Variants in DENND1A observed in about 807,000 individuals in gnomAD.
DENND1A encodes DENN domain-containing protein 1A.
DENND1A carries 51 observed loss-of-function variants against 113.7 expected under a neutral mutation model. The ratio of observed to expected loss-of-function variants is 0.45; its 90% CI spans 0.36 to 0.57. The LOEUF (loss-of-function observed/expected upper bound fraction) is 0.57, where lower values mean the gene tolerates loss of function less well. DENND1A is among the 20% of genes least tolerant of loss of function. The pLI, the probability that DENND1A is intolerant of heterozygous loss-of-function variation, is 0.00. For missense variants in DENND1A, 1,258 were observed against 1,395.9 expected (o/e 0.90, Z 1.57); for synonymous variants, 565 against 570.8 (o/e 0.99, Z 0.14).
intron 11 of DENND1A, among the ~76,000 whole-genome samples, chr9:123,606,174 G>A (rs1317248781): frequency 3.9e-5 from 6 of 152,186 alleles, no homozygotes; most frequent in Non-Finnish European, 7.3e-5. Flanking sequence ...CGGAATCTGA[G>A]CTGAAATTCC....
At chr9:123,757,079 C>A (rs1355536712) in intron 5 of DENND1A, among the ~76,000 whole-genome samples, 1 of 152,176 alleles carries the variant, frequency 6.6e-6, no homozygotes, top group Non-Finnish European at 1.5e-5. Flanking sequence ...ATCGGATTTC[C>A]ACACATCCTC....
intron 19 of DENND1A, among the ~76,000 whole-genome samples, chr9:123,435,303 T>G (rs1451661397): frequency 6.6e-6 from 1 of 152,090 alleles, no homozygotes; most frequent in African/African-American, 2.4e-5. Flanking sequence ...CAGCCTAGCA[T>G]GGGATTGGCA....
At chr9:123,450,355 A>G (rs2047630220) in intron 18 of DENND1A, among the ~76,000 whole-genome samples, 2 of 152,198 alleles carry the variant, frequency 1.3e-5, no homozygotes, top group African/African-American at 4.8e-5. Context: ...GAGGTCAGCC[A>G]TAGCGGGTGG....
chr9:123,813,765 T>C (rs1590196816), intron 2 of DENND1A, among the ~76,000 whole-genome samples: 1 of 152,192 alleles, frequency 6.6e-6, no homozygotes, highest in African/African-American at 2.4e-5. Flanking sequence ...TTTTTAATAC[T>C]CATAAGATAC....
intron 19 of DENND1A, among the ~76,000 whole-genome samples, chr9:123,418,598 G>A (rs779575907): frequency 2.0e-5 from 3 of 152,200 alleles, no homozygotes; most frequent in Non-Finnish European, 4.4e-5. Flanking sequence ...GGCAGAGAGC[G>A]CAGTGTGTAG....
intron 19 of DENND1A, among the ~76,000 whole-genome samples, chr9:123,434,308 T>C (rs1318352839): frequency 6.6e-6 from 1 of 152,236 alleles, no homozygotes; most frequent in Non-Finnish European, 1.5e-5. Context: ...ATTACAGGCG[T>C]GAGCCACCAT....
At chr9:123,836,272 A>C (rs1164691110) in intron 2 of DENND1A, among the ~76,000 whole-genome samples, 3 of 152,180 alleles carry the variant, frequency 2.0e-5, no homozygotes, top group Non-Finnish European at 4.4e-5. Context: ...GCACTTTCAT[A>C]AAATAACTAT....
chr9:123,854,634 G>T (rs1590384518), intron 2 of DENND1A, among the ~76,000 whole-genome samples: 1 of 151,800 alleles, frequency 6.6e-6, no homozygotes, highest in East Asian at 1.9e-4. Flanking sequence ...CGCAGAGGGT[G>T]CAGTGAGCTG....
chr9:123,597,214 G>T (rs1398287985), intron 11 of DENND1A, among the ~76,000 whole-genome samples: 1 of 152,164 alleles, frequency 6.6e-6, no homozygotes, highest in Non-Finnish European at 1.5e-5. Flanking sequence ...GGAGAGGTTG[G>T]AAACCCAATT....
intron 4 of DENND1A, among the ~76,000 whole-genome samples, chr9:123,765,775 A>C (rs902549890): frequency 3.9e-5 from 6 of 152,174 alleles, no homozygotes; most frequent in Non-Finnish European, 8.8e-5. Flanking sequence ...ATTAGTAATA[A>C]TGAGTTTTTG....
intron 2 of DENND1A, among the ~76,000 whole-genome samples, chr9:123,802,765 C>G (rs1000604115): frequency 3.3e-5 from 5 of 151,858 alleles, no homozygotes; most frequent in Admixed American, 2.0e-4. Context: ...TTCAATGGCG[C>G]GATCTCGGCT....
chr9:123,747,108 T>C (rs2069578842), intron 5 of DENND1A, among the ~76,000 whole-genome samples: 1 of 151,714 alleles, frequency 6.6e-6, no homozygotes, highest in Non-Finnish European at 1.5e-5. Context: ...AATTAAAAAC[T>C]TAAAATAAAA....
chr9:123,495,869 C>T (rs2051869236), intron 13 of DENND1A, among the ~76,000 whole-genome samples: 1 of 152,232 alleles, frequency 6.6e-6, no homozygotes, highest in Non-Finnish European at 1.5e-5. Flanking sequence ...GGTATACATG[C>T]TTCATTCTAG....
intron 20 of DENND1A, among the ~76,000 whole-genome samples, chr9:123,408,453 C>A (rs1051986827): frequency 1.3e-5 from 2 of 152,166 alleles, no homozygotes; most frequent in African/African-American, 2.4e-5. Flanking sequence ...ACATACACAA[C>A]CTCATTACCT....
intron 1 of DENND1A, among the ~76,000 whole-genome samples, chr9:123,888,225 T>C (rs118052082): frequency 3.7e-4 from 56 of 152,248 alleles, no homozygotes; most frequent in Non-Finnish European, 7.2e-4. Context: ...TGGGGATACA[T>C]TGAAGGGACA....
At chr9:123,563,193 G>A (rs2057861183) in intron 12 of DENND1A, among the ~76,000 whole-genome samples, 1 of 152,126 alleles carries the variant, frequency 6.6e-6, no homozygotes, top group African/African-American at 2.4e-5. Context: ...ATGAGTCAGA[G>A]GGAACAAGGA....
chr9:123,581,591 C>A (rs1476912104), intron 12 of DENND1A, among the ~76,000 whole-genome samples: 1 of 151,796 alleles, frequency 6.6e-6, no homozygotes, highest in African/African-American at 2.4e-5. Context: ...TGCCACTGCA[C>A]TCCAGCCTGG....
chr9:123,918,490 A>G (rs1588248727), intron 1 of DENND1A, among the ~76,000 whole-genome samples: 2 of 4,260 alleles, frequency 4.7e-4, no homozygotes, highest in Non-Finnish European at 8.2e-4. Flanking sequence ...TCCGTCTCAG[A>G]AAAAAAAAAA....
rs146403649 is a variant in DENND1A at position 123,560,944 on chromosome 9, A to G, written c.868-3249T>C. 2.5e-3 allele frequency among the ~76,000 whole-genome samples: 376 copies of G among 152,268 alleles called. 2 individuals carry two copies. The highest frequency in any genetic ancestry group is 4.3e-3 in the Non-Finnish European group (295 of 67,994). ...ACTCAGCACCCAGGCTGACTCTGCCATGGACTTCCACCTACAAAGAGAAGT... is the reference window on the plus strand; with the variant it reads ...ACTCAGCACCCAGGCTGACTCTGCCGTGGACTTCCACCTACAAAGAGAAGT... On this transcript the variant is annotated intron_variant, in intron 12 of 23. Transcript: ENST00000394215.
Sources: allele counts gnomAD v4.1 joint callset (sites outside exome capture counted in the v4.1 genomes callset), GRCh38; gene constraint gnomAD v4.1.1; transcripts MANE v1.5; gene names NCBI Gene and HGNC (gene_info 2026-07-23, HGNC 2026-07-21).